PIAS2: variants seen among roughly 807,000 people sequenced by gnomAD.
PIAS2 encodes E3 SUMO-protein ligase PIAS2.
In PIAS2, 19 loss-of-function variants were observed where a neutral mutation model predicts 69.7. The observed-to-expected ratio is 0.27, with a 90% CI of 0.19 to 0.40. The LOEUF (loss-of-function observed/expected upper bound fraction) is 0.40, where lower values mean the gene tolerates loss of function less well. Among genes scored for constraint, PIAS2 ranks in the 10% least tolerant of loss-of-function variants. The pLI, the probability that PIAS2 is intolerant of heterozygous loss-of-function variation, is 1.00. For missense variants in PIAS2, 624 were observed against 757.0 expected (o/e 0.82, Z 2.06); for synonymous variants, 261 against 263.2 (o/e 0.99, Z 0.08).
rs2040825078 is a variant in PIAS2 at position 46,808,648 on chromosome 18, A to T, written c.*3785T>A. On this transcript the variant is annotated 3_prime_UTR_variant, in exon 14 of 14. Transcript: ENST00000585916. The stretch of plus-strand genomic sequence containing the variant: ...AAATCACATGAACCTAGGACCACTA[A>T]ATCCAATGTCAGACGTGTTTAAATG... 1 of 152,196 alleles carries T rather than the reference A, an allele frequency of 6.6e-6. No homozygotes were observed. The highest frequency in any genetic ancestry group is 6.5e-5 in the Admixed American group (1 of 15,284). 9.4% of individuals were successfully genotyped at this position (152,196 alleles called of 1,614,324 possible).
intron 3 of PIAS2, among the ~76,000 whole-genome samples, chr18:46,863,665 A>G (rs1469348096): frequency 1.3e-5 from 2 of 152,358 alleles, no homozygotes; most frequent in East Asian, 3.9e-4. Flanking sequence ...TTGAGGTTTT[A>G]TTCAAAGGTT....
rs1046004922 is a variant in PIAS2 at position 46,812,473 on chromosome 18, C to A, written c.1826G>T (p.Ser609Ile). 1 of 1,612,892 alleles carries A rather than the reference C, an allele frequency of 6.2e-7. No individual in the cohort carries two copies. The highest frequency in any genetic ancestry group is 8.5e-7 in the Non-Finnish European group (1 of 1,179,106). Residue 609 changes from serine (S) to isoleucine (I), a missense_variant, in exon 14 of 14, where the codon AGC (serine) becomes ATC (isoleucine). This residue lies in a region of PIAS2 where 241 missense variants were observed against 257.3 expected (regional missense o/e 0.94). Transcript: ENST00000585916. ...SSRSETGVITSSGSNIPDIIS... is the reference protein window; with the variant it reads ...SSRSETGVITISGSNIPDIIS... ...GATGTCAGGAATGTTACTTCCACTG[C>A]TGGTTATGACCCCTGTCTCACTCCT...
chr18:46,850,859 C>T (rs899581002), intron 5 of PIAS2, among the ~76,000 whole-genome samples: 1 of 152,366 alleles, frequency 6.6e-6, no homozygotes, highest in Admixed American at 6.5e-5. Context: ...ACCACATCAA[C>T]AGCTGGTCAC....
At chr18:46,874,907 T>C (rs2050921166) in intron 2 of PIAS2, among the ~76,000 whole-genome samples, 1 of 152,080 alleles carries the variant, frequency 6.6e-6, no homozygotes, top group Non-Finnish European at 1.5e-5. Flanking sequence ...CTAGTGCTTC[T>C]AACTACAGAA....
At chr18:46,883,916 G>A (rs1198179464) in intron 2 of PIAS2, among the ~76,000 whole-genome samples, 2 of 152,204 alleles carry the variant, frequency 1.3e-5, no homozygotes, top group Non-Finnish European at 2.9e-5. Context: ...CCTGAGGTGG[G>A]AGGATCACTT....
In PIAS2 at chr18:46,807,372, TATATA is replaced by T. The variant is rs1295963996; in HGVS notation, c.*5056_*5060del. 16 of 29,354 alleles carry T rather than the reference TATATA, an allele frequency of 5.5e-4. 1 individual carries two copies. Among genetic ancestry groups the T allele is most frequent in the Non-Finnish European group, 2.2e-4 (3 of 13,934 alleles). 1.8% of individuals were successfully genotyped at this position (29,354 alleles called of 1,614,324 possible). On this transcript the variant is annotated 3_prime_UTR_variant, in exon 14 of 14. Coordinates refer to ENST00000585916, the MANE Select transcript of PIAS2 (RefSeq NM_004671.5). Reference sequence around the variant, plus strand: ...GTCAGATTTTATATATATATATATATATATATATATATTTTTTTTTTTTTTTTTTT... The same window carrying T: ...GTCAGATTTTATATATATATATATATTATATATTTTTTTTTTTTTTTTTTT...
At chr18:46,855,264 G>T in intron 5 of PIAS2, 81 bp downstream of exon 5, 1 of 824,092 alleles carries the variant, frequency 1.2e-6, no homozygotes. Flanking sequence ...GTATTCAGCT[G>T]TCACTGTTGC....
chr18:46,870,939 AG>A (rs1380205484), intron 2 of PIAS2, among the ~76,000 whole-genome samples: 1 of 152,188 alleles, frequency 6.6e-6, no homozygotes, highest in Non-Finnish European at 1.5e-5. Context: ...TGGTAATAAA[AG>A]GAATTCAGGA....
At chr18:46,829,888 A>G (rs1203231218) in intron 9 of PIAS2, 21 bp from the exon 10 acceptor site, 2 of 1,601,840 alleles carry the variant, frequency 1.2e-6, no homozygotes, top group South Asian at 2.2e-5. Context: ...ATTAAGAAGT[A>G]CATACATGTG....
At chr18:46,855,979 CTTTTTTCTTTTTCTTTTGTTTTTTTTT>C (rs1568542635) in intron 3 of PIAS2, among the ~76,000 whole-genome samples, 1 of 121,808 alleles carries the variant, frequency 8.2e-6, no homozygotes, top group Non-Finnish European at 1.8e-5. Flanking sequence ...CACTTGAAGA[CTTTTTTCTTTTTCTTTTGTTTTTTTTT>C]TTTTTTTTTT....
chr18:46,833,613 G>A (rs1410750247), intron 9 of PIAS2, among the ~76,000 whole-genome samples: 1 of 152,148 alleles, frequency 6.6e-6, no homozygotes, highest in Non-Finnish European at 1.5e-5. Context: ...AAAAGGTTCT[G>A]TGTAATTTGA....
At chr18:46,872,936 C>A (rs905752470) in intron 2 of PIAS2, among the ~76,000 whole-genome samples, 1 of 152,110 alleles carries the variant, frequency 6.6e-6, no homozygotes, top group East Asian at 1.9e-4. Flanking sequence ...CCTTCCTTCC[C>A]TAGAAAAACC....
intron 2 of PIAS2, among the ~76,000 whole-genome samples, chr18:46,881,471 C>G (rs1331298797): frequency 6.6e-6 from 1 of 152,110 alleles, no homozygotes; most frequent in East Asian, 1.9e-4. Flanking sequence ...GTATTTTATT[C>G]TATTTATTTC....
intron 8 of PIAS2, among the ~76,000 whole-genome samples, chr18:46,838,293 T>TAC (rs1179546820): frequency 6.6e-6 from 1 of 152,196 alleles, no homozygotes; most frequent in Non-Finnish European, 1.5e-5. Context: ...CTTTCACAAT[T>TAC]ACATAACAAT....
chr18:46,910,472 A>G (rs2057135740), intron 1 of PIAS2, among the ~76,000 whole-genome samples: 1 of 143,252 alleles, frequency 7.0e-6, no homozygotes, highest in Admixed American at 6.8e-5. Flanking sequence ...ACCCACTGTT[A>G]GAGTCACCAA....
At chr18:46,856,004 T>TG (rs1354575878) in intron 3 of PIAS2, among the ~76,000 whole-genome samples, 3 of 116,980 alleles carry the variant, frequency 2.6e-5, no homozygotes, top group African/African-American at 9.5e-5. Flanking sequence ...TTTGTTTTTT[T>TG]TTTTTTTTTT....
rs2054001212 is a variant in PIAS2 at position 46,891,035 on chromosome 18, C to G, written c.44G>C (p.Arg15Thr). Residue 15 changes from arginine to threonine, a missense_variant, in exon 2 of 14, where the codon AGG becomes ACG. Transcript: ENST00000585916. ...TAGTAATACTTGTAGTTCAGAAACC[C>G]TAAAACTAGAAACCATATTCTAAAA... ...EELRNMVSSF[R>T]VSELQVLLGF... 1.3e-6 allele frequency: 2 copies of G among 1,589,888 alleles called. No individual in the cohort carries two copies. Among genetic ancestry groups the G allele is most frequent in the African/African-American group, 1.4e-5 (1 of 73,332 alleles).
chr18:46,843,845 G>C, intron 8 of PIAS2: 1 of 379,060 alleles, frequency 2.6e-6, no homozygotes, highest in Non-Finnish European at 4.8e-6. Context: ...ATTATTCTGA[G>C]CCTAAAGCTA....
Position 46,812,206 on chromosome 18 carries a change from G to A in PIAS2, c.*227C>T. 2.5e-6 allele frequency: 1 copy of A among 400,356 alleles called. No individual in the cohort carries two copies. Among genetic ancestry groups the A allele is most frequent in the East Asian group, 3.7e-5 (1 of 26,950 alleles). The allele number at this position is 400,356 out of a possible 1,614,324, so 24.8% of individuals were successfully genotyped here. On this transcript the variant is annotated 3_prime_UTR_variant, in exon 14 of 14. Coordinates refer to ENST00000585916, the MANE Select transcript of PIAS2 (RefSeq NM_004671.5). ...CTCTCAGGAAGATACAGTTATGGTT[G>A]AATGTATCTGATGCTGAGAGTACAG...
Sources: gnomAD v4.1 joint callset for allele counts (sites outside exome capture counted in the v4.1 genomes callset) on GRCh38, gnomAD v4.1.1 for gene constraint, gnomAD v4.1.1 regional missense constraint, MANE v1.5 for transcripts, NCBI Gene and HGNC (gene_info 2026-07-23, HGNC 2026-07-21) for gene names.